The following CRACD variants were observed in gnomAD, a reference collection of about 807,000 sequenced individuals.
CRACD encodes capping protein inhibiting regulator of actin dynamics.
In CRACD, 56 loss-of-function variants were observed where a neutral mutation model predicts 106.8. That is an observed-to-expected ratio of 0.52 (90% CI 0.42 to 0.66). The LOEUF is 0.66. Among genes scored for constraint, CRACD ranks in the 30% least tolerant of loss-of-function variants. CRACD has a pLI of 0.00. For synonymous variants in CRACD, 754 were observed against 670.8 expected, an observed-to-expected ratio of 1.12 and a Z score of -1.92; for missense variants, 1,730 against 1,623.2, an observed-to-expected ratio of 1.07 and a Z score of -1.13.
chr4:56,273,841 C>T (rs918692715), intron 3 of CRACD, among the ~76,000 whole-genome samples: 2 of 152,136 alleles, frequency 1.3e-5, no homozygotes, highest in South Asian at 2.1e-4. Flanking sequence ...ATAAGCTAAG[C>T]GGAAGGAATA....
intron 1 of CRACD, among the ~76,000 whole-genome samples, chr4:56,093,800 A>G (rs781118703): frequency 3.3e-5 from 5 of 152,198 alleles, no homozygotes; most frequent in Non-Finnish European, 7.3e-5. Context: ...GCAATTTTAG[A>G]TAGTGATTCA....
intron 2 of CRACD, among the ~76,000 whole-genome samples, chr4:56,257,926 C>T (rs988661860): frequency 4.6e-5 from 7 of 151,706 alleles, no homozygotes; most frequent in South Asian, 2.1e-4. Flanking sequence ...AAAAATTAGC[C>T]GGGCATGGTG....
intron 1 of CRACD, among the ~76,000 whole-genome samples, chr4:56,068,861 C>T (rs1325518786): frequency 6.6e-6 from 1 of 152,040 alleles, no homozygotes; most frequent in Non-Finnish European, 1.5e-5. Context: ...CTCATGTCCA[C>T]TTGGAACTTT....
intron 2 of CRACD, among the ~76,000 whole-genome samples, chr4:56,237,379 C>A (rs2109551530): frequency 6.6e-6 from 1 of 152,110 alleles, no homozygotes; most frequent in Middle Eastern, 3.4e-3. Context: ...ATTAATCTAG[C>A]TTTTTATAGA....
At chr4:56,116,570 C>A (rs1457152628) in intron 1 of CRACD, among the ~76,000 whole-genome samples, 1 of 152,150 alleles carries the variant, frequency 6.6e-6, no homozygotes, top group Non-Finnish European at 1.5e-5. Context: ...TCAATTTCAA[C>A]CCTCATCAAG....
intron 1 of CRACD, among the ~76,000 whole-genome samples, chr4:56,148,226 G>GTAC (rs1036558853): frequency 3.8e-4 from 57 of 151,720 alleles, no homozygotes; most frequent in Non-Finnish European, 7.2e-4. Flanking sequence ...CTCAGCTAGT[G>GTAC]TACTATCCTA....
intron 1 of CRACD, among the ~76,000 whole-genome samples, chr4:56,099,017 T>C (rs536804713): frequency 7.2e-5 from 11 of 152,328 alleles, no homozygotes; most frequent in Admixed American, 6.5e-4. Flanking sequence ...GCATGAACTC[T>C]CTGCTGAATT....
At chr4:56,306,037 A>C (rs553342438) in intron 4 of CRACD, among the ~76,000 whole-genome samples, 5 of 152,236 alleles carry the variant, frequency 3.3e-5, no homozygotes, top group African/African-American at 4.8e-5. Context: ...TTTTTAAAAG[A>C]CCTGAGTTCA....
At chr4:56,093,503 G>A (rs1444388102) in intron 1 of CRACD, among the ~76,000 whole-genome samples, 1 of 152,160 alleles carries the variant, frequency 6.6e-6, no homozygotes, top group African/African-American at 2.4e-5. Flanking sequence ...TGGCCCTGTA[G>A]AGTTCCCTGG....
intron 2 of CRACD, among the ~76,000 whole-genome samples, chr4:56,229,210 G>T (rs1325923964): frequency 1.3e-5 from 2 of 152,174 alleles, no homozygotes; most frequent in African/African-American, 4.8e-5. Context: ...CATTATGTTG[G>T]AACCTAATCC....
chr4:56,146,540 G>A (rs1008860333), intron 1 of CRACD, among the ~76,000 whole-genome samples: 1 of 147,410 alleles, frequency 6.8e-6, no homozygotes, highest in African/African-American at 2.6e-5. Context: ...TTTAGCATTA[G>A]GTATATCTCC....
intron 7 of CRACD, among the ~76,000 whole-genome samples, chr4:56,313,819 AGGGGG>A (rs1745313581): frequency 6.6e-6 from 1 of 151,948 alleles, no homozygotes; most frequent in Non-Finnish European, 1.5e-5. Flanking sequence ...GCTGGTGGGG[AGGGGG>A]GCGCGGAAAC....
intron 2 of CRACD, among the ~76,000 whole-genome samples, chr4:56,270,921 A>AAC (rs35109908): frequency 0.074 from 10,708 of 145,634 alleles, 396 homozygotes; most frequent in Middle Eastern, 0.11. Context: ...GTCTCTACTA[A>AAC]ACACACACAC....
In CRACD at chr4:56,314,881, G is replaced by A. The variant is rs533652325; in HGVS notation, c.1379G>A (p.Arg460Gln). The part of the protein sequence containing the change: ...ICEEQNPEAE[R>Q]RREQQGRSGD... Reference sequence around the variant, plus strand: ...GAGGAGCAGAACCCAGAGGCCGAGCGGCGAAGAGAGCAGCAGGGAAGGAGC... The same window carrying A: ...GAGGAGCAGAACCCAGAGGCCGAGCAGCGAAGAGAGCAGCAGGGAAGGAGC... The change falls in exon 8 of 11, where the codon CGG becomes CAG. Residue 460 changes from arginine (R) to glutamine (Q), a missense_variant. By Grantham distance (43) the Arg-to-Gln change is conservative. Coordinates refer to ENST00000682029, the MANE Select transcript of CRACD (RefSeq NM_001393381.1). The surrounding 1 kb of genome is among the most constrained non-coding windows in gnomAD (Gnocchi z 4.4). 8 of 1,611,256 alleles carry A rather than the reference G, an allele frequency of 5.0e-6. No homozygotes were observed. The highest frequency in any genetic ancestry group is 1.7e-5 in the Admixed American group (1 of 59,642).
At chr4:56,078,320 T>A (rs1732910176) in intron 1 of CRACD, among the ~76,000 whole-genome samples, 1 of 152,174 alleles carries the variant, frequency 6.6e-6, no homozygotes, top group Non-Finnish European at 1.5e-5. Flanking sequence ...GAATTTAACA[T>A]ATAGATTAAA....
chr4:56,322,448 T>C (rs889571762), intron 8 of CRACD, among the ~76,000 whole-genome samples: 3 of 152,184 alleles, frequency 2.0e-5, no homozygotes, highest in African/African-American at 7.2e-5. Flanking sequence ...GGTGAGACAG[T>C]CAACCACAAG....
rs760955056 is a variant in CRACD, at chr4:56,313,382, G to A, written c.537+3G>A. On this transcript the variant is annotated splice_donor_region_variant and intron_variant, in intron 7 of 10. Coordinates refer to ENST00000682029, the MANE Select transcript of CRACD (RefSeq NM_001393381.1). ...AGAAGCACAGGCGCCTTGCCCAGGTGTGTAGAGCCTGCACGGGCTGACCAG... is the reference window on the plus strand; with the variant it reads ...AGAAGCACAGGCGCCTTGCCCAGGTATGTAGAGCCTGCACGGGCTGACCAG... The A allele has an allele frequency of 1.1e-5, 17 of 1,611,460 alleles. No individual in the cohort carries two copies. The East Asian group carries it at 2.7e-4, about 25-fold the overall frequency.
intron 1 of CRACD, among the ~76,000 whole-genome samples, chr4:56,097,975 G>GA (rs1012369547): frequency 6.0e-5 from 9 of 150,696 alleles, no homozygotes; most frequent in African/African-American, 9.7e-5. Flanking sequence ...AACCCAGAAT[G>GA]AAAAAAAAAT....
chr4:56,258,583 T>G (rs750161418), intron 2 of CRACD, among the ~76,000 whole-genome samples: 6 of 152,210 alleles, frequency 3.9e-5, no homozygotes, highest in Non-Finnish European at 8.8e-5. Context: ...CTGTTTAAAG[T>G]TGGTTCTGCA....
Sources: gnomAD v4.1 joint callset for allele counts (sites outside exome capture counted in the v4.1 genomes callset) on GRCh38, gnomAD v4.1.1 for gene constraint, Gnocchi (gnomAD v3.1) non-coding constraint, MANE v1.5 for transcripts, NCBI Gene and HGNC (gene_info 2026-07-23, HGNC 2026-07-21) for gene names.